PCDHGA1: variants seen among roughly 807,000 people sequenced by gnomAD.
PCDHGA1 encodes protocadherin gamma-A1.
A neutral mutation model predicts 58.0 loss-of-function variants in PCDHGA1; 32 were observed. The observed-to-expected ratio is 0.55, with a 90% confidence interval of 0.42 to 0.74. The LOEUF is 0.74. Ranked by LOEUF, PCDHGA1 falls within the 30% of genes least tolerant of loss-of-function variation. The pLI is 0.00. For synonymous variants in PCDHGA1, 498 were observed against 501.1 expected, an observed-to-expected ratio of 0.99 and a Z score of 0.08; for missense variants, 1,205 against 1,182.3, an observed-to-expected ratio of 1.02 and a Z score of -0.28.
Position 141,374,101 on chromosome 5 carries a change from G to C in PCDHGA1, c.2421+40996G>C, listed in dbSNP as rs752730619. ...AGCCAGTAATGGCGCCTCCGCAGAG[G>C]CATCCGCAGCGCAGCGAGCAGGTCC... On this transcript the variant is annotated intron_variant, in intron 1 of 3. Coordinates refer to ENST00000517417, the MANE Select transcript of PCDHGA1 (RefSeq NM_018912.3). 1 of 1,565,508 alleles carries C rather than the reference G, an allele frequency of 6.4e-7. No homozygotes were observed. Among genetic ancestry groups the C allele is most frequent in the Admixed American group, 1.9e-5 (1 of 53,132 alleles).
At position 141,404,503 on chromosome 5, in the gene PCDHGA1, G is replaced by A. The variant is rs771196227; in HGVS notation, c.2421+71398G>A. 8 of 1,613,720 alleles carry A rather than the reference G, an allele frequency of 5.0e-6. No homozygotes were observed. In the East Asian group the frequency reaches 1.8e-4, roughly 36 times the overall value. On this transcript the variant is annotated intron_variant, in intron 1 of 3. Coordinates refer to ENST00000517417, the MANE Select transcript of PCDHGA1 (RefSeq NM_018912.3). Reference sequence around the variant, plus strand: ...CAGACACTGGTGTGCTGTATGCTCTGTGCTCCTTTGACTATGAGCAGTTTA... The same window carrying A: ...CAGACACTGGTGTGCTGTATGCTCTATGCTCCTTTGACTATGAGCAGTTTA...
chr5:141,399,321 T>C (rs1356696829), intron 1 of PCDHGA1: 2 of 1,613,978 alleles, frequency 1.2e-6, no homozygotes, highest in Admixed American at 1.7e-5. Context: ...AAAATTCGTA[T>C]AAGTTGGTAA....
chr5:141,421,642 G>A, intron 1 of PCDHGA1: 1 of 1,613,850 alleles, frequency 6.2e-7, no homozygotes, highest in South Asian at 1.1e-5. Flanking sequence ...GGAGGACGAA[G>A]TGGAGATAAA....
In PCDHGA1 at chr5:141,487,472, G is replaced by A. The variant is rs2099645737; in HGVS notation, c.2422-7335G>A. The A allele has an allele frequency of 2.5e-6, 4 of 1,614,178 alleles. No individual in the cohort carries two copies. Among genetic ancestry groups the A allele is most frequent in the Non-Finnish European group, 3.4e-6 (4 of 1,180,036 alleles). Reference sequence around the variant, plus strand: ...CCCTATCAAGTTTGTTGATGTGGGAGGCCACTCTCATGGCTGTACACCCTT... The same window carrying A: ...CCCTATCAAGTTTGTTGATGTGGGAAGCCACTCTCATGGCTGTACACCCTT... On this transcript the variant is annotated intron_variant, in intron 1 of 3. Coordinates refer to ENST00000517417, the MANE Select transcript of PCDHGA1 (RefSeq NM_018912.3). This position sits in a 1 kb window ranked among gnomAD's most constrained non-coding sequence, Gnocchi z 5.0.
chr5:141,388,160 G>A (rs766854792), intron 1 of PCDHGA1: 9 of 1,474,272 alleles, frequency 6.1e-6, no homozygotes, highest in Non-Finnish European at 8.4e-6. Context: ...GGCTAGACAG[G>A]GAGGAGATAT....
chr5:141,480,816 G>A (rs1400500941), intron 1 of PCDHGA1, among the ~76,000 whole-genome samples: 4 of 152,208 alleles, frequency 2.6e-5, no homozygotes, highest in Admixed American at 2.0e-4. Flanking sequence ...GGAGGCTGAG[G>A]TGGGTGGATC....
Position 141,419,399 on chromosome 5 carries a change from G to C in PCDHGA1, c.2422-75408G>C, listed in dbSNP as rs893535249. On this transcript the variant is annotated intron_variant, in intron 1 of 3. Coordinates refer to ENST00000517417, the MANE Select transcript of PCDHGA1 (RefSeq NM_018912.3). ...GTCCGTGAGCGCGCAGAGCGGGGTG[G>C]TGTTCGCGCAGCGCGCCTTCGACCA... 1.7e-5 allele frequency: 28 copies of C among 1,613,470 alleles called. No individual in the cohort carries two copies. Among genetic ancestry groups the C allele is most frequent in the Admixed American group, 1.7e-5 (1 of 60,014 alleles).
rs776189143 is a variant in PCDHGA1, at chr5:141,422,957, A to G, written c.2422-71850A>G. 11 of 1,614,190 alleles carry G rather than the reference A, an allele frequency of 6.8e-6. 1 individual carries two copies. The South Asian group carries it at 7.7e-5, about 11-fold the overall frequency. Reference sequence around the variant, plus strand: ...CCCACAGACGGCTCCACTGGCGTGGAGCTGGCGCCCCGCTCTGCGGAACCT... The same window carrying G: ...CCCACAGACGGCTCCACTGGCGTGGGGCTGGCGCCCCGCTCTGCGGAACCT... On this transcript the variant is annotated intron_variant, in intron 1 of 3. Coordinates refer to ENST00000517417, the MANE Select transcript of PCDHGA1 (RefSeq NM_018912.3).
Position 141,505,556 on chromosome 5 carries a change from C to T in PCDHGA1, c.2569+75C>T, listed in dbSNP as rs2233611. ...GGGTGCATCTCACAGCCACCATGCC[C>T]ACGGACTGGATGTCAAACCTGTGTA... On this transcript the variant is annotated intron_variant, in intron 3 of 3. Transcript: ENST00000517417. 1,282 of 1,606,040 alleles carry T rather than the reference C, an allele frequency of 8.0e-4. 6 individuals are homozygous for T. In the African/African-American group the frequency reaches 0.013, roughly 16 times the overall value.
intron 1 of PCDHGA1, chr5:141,478,553 T>G (rs1593930915): frequency 6.2e-7 from 1 of 1,602,704 alleles, no homozygotes; most frequent in Non-Finnish European, 8.5e-7. Context: ...ACAGGTAAGG[T>G]TTAGCAAGTC....
chr5:141,383,714 G>C, intron 1 of PCDHGA1: 1 of 1,613,972 alleles, frequency 6.2e-7, no homozygotes, highest in Non-Finnish European at 8.5e-7. Flanking sequence ...CTGGACGAGG[G>C]AGTCAATGGG....
At chr5:141,419,431 G>A in intron 1 of PCDHGA1, 2 of 1,613,306 alleles carry the variant, frequency 1.2e-6, no homozygotes. Context: ...ACCACGAGCA[G>A]CTGCGCACCT....
intron 1 of PCDHGA1, chr5:141,370,647 C>T: frequency 6.2e-7 from 1 of 1,613,884 alleles, no homozygotes; most frequent in African/African-American, 1.3e-5. Flanking sequence ...TGGGAACTTA[C>T]TTGTGAGCGA....
At chr5:141,422,280 C>A in intron 1 of PCDHGA1, 1 of 1,557,754 alleles carries the variant, frequency 6.4e-7, no homozygotes, top group Non-Finnish European at 8.6e-7. Context: ...TAACTATCAC[C>A]TCTTCTATTA....
rs749759763 is a variant in PCDHGA1 at position 141,384,376 on chromosome 5, G to A, written c.2421+51271G>A. On this transcript the variant is annotated intron_variant, in intron 1 of 3. Coordinates refer to ENST00000517417, the MANE Select transcript of PCDHGA1 (RefSeq NM_018912.3). ...TGCCCAGATCACTTATTCCTTGGCCGAAGACACCATCCAGGGGGCTCCAGT... is the reference window on the plus strand; with the variant it reads ...TGCCCAGATCACTTATTCCTTGGCCAAAGACACCATCCAGGGGGCTCCAGT... 10 of 1,613,786 alleles carry A rather than the reference G, an allele frequency of 6.2e-6. No individual in the cohort carries two copies. In the African/African-American group the frequency reaches 8.0e-5, roughly 13 times the overall value.
intron 2 of PCDHGA1, 30 bp from the exon 3 acceptor site, chr5:141,505,361 AGT>A: frequency 6.2e-7 from 1 of 1,613,910 alleles, no homozygotes; most frequent in Non-Finnish European, 8.5e-7. Context: ...CCGGCCTGGG[AGT>A]CTGTGCTCAC....
At position 141,432,003 on chromosome 5, in the gene PCDHGA1, T is replaced by A; in HGVS notation, c.2422-62804T>A. On this transcript the variant is annotated intron_variant, in intron 1 of 3. Coordinates refer to ENST00000517417, the MANE Select transcript of PCDHGA1 (RefSeq NM_018912.3). This position sits in a 1 kb window ranked among gnomAD's most constrained non-coding sequence, Gnocchi z 6.0. ...GACATAGTCTTGGATAGGGAACAGG[T>A]TCCTAGCTACAACATCACAGTGACC... The A allele has an allele frequency of 6.2e-7, 1 of 1,614,116 alleles. No individual in the cohort carries two copies.
intron 1 of PCDHGA1, chr5:141,400,290 C>G (rs1455484413): frequency 3.1e-6 from 5 of 1,613,972 alleles, no homozygotes; most frequent in Non-Finnish European, 3.4e-6. Context: ...CCGCCTGGAG[C>G]TGCTTCCAAC....
rs144695545 is a variant in PCDHGA1, at chr5:141,487,156, C to G, written c.2422-7651C>G. ...CACCACTCTCTACCTCTGTTACTCT[C>G]TTAGTGTCCTTAGAGGAAGACACTC... On this transcript the variant is annotated intron_variant, in intron 1 of 3. Transcript: ENST00000517417. This position sits in a 1 kb window ranked among gnomAD's most constrained non-coding sequence, Gnocchi z 5.0. 105 of 1,613,896 alleles carry G rather than the reference C, an allele frequency of 6.5e-5. No homozygotes were observed. In the African/African-American group the frequency reaches 1.2e-3, roughly 18 times the overall value.
Sources: gnomAD v4.1 joint callset for allele counts (sites outside exome capture counted in the v4.1 genomes callset) on GRCh38, gnomAD v4.1.1 for gene constraint, Gnocchi (gnomAD v3.1) non-coding constraint, MANE v1.5 for transcripts, NCBI Gene and HGNC (gene_info 2026-07-23, HGNC 2026-07-21) for gene names.